Variants in CHRM3 observed in about 807,000 individuals in gnomAD.
CHRM3 encodes cholinergic receptor muscarinic 3.
In CHRM3, 11 loss-of-function variants were observed where a neutral mutation model predicts 41.8. That is an observed-to-expected ratio of 0.26 (90% CI 0.17 to 0.44). The LOEUF is 0.44. Ranked by LOEUF, CHRM3 falls within the 20% of genes least tolerant of loss-of-function variation. The pLI, the probability that CHRM3 is intolerant of heterozygous loss-of-function variation, is 1.00. For synonymous variants in CHRM3, 297 were observed against 301.4 expected, an observed-to-expected ratio of 0.99 and a Z score of 0.15; for missense variants, 571 against 745.4, an observed-to-expected ratio of 0.77 and a Z score of 2.72.
At chr1:239,395,015 CT>C (rs1052455907) in intron 1 of CHRM3, among the ~76,000 whole-genome samples, 4 of 152,158 alleles carry the variant, frequency 2.6e-5, no homozygotes, top group African/African-American at 9.7e-5. Flanking sequence ...CAAAAGTCAC[CT>C]GTAACCTCTT....
At chr1:239,885,719 C>T (rs1006807727) in intron 6 of CHRM3, among the ~76,000 whole-genome samples, 1 of 152,134 alleles carries the variant, frequency 6.6e-6, no homozygotes, top group African/African-American at 2.4e-5. Context: ...ATTAATCCTC[C>T]CTAAATTCAA....
chr1:239,826,249 C>T (rs1364635590), intron 5 of CHRM3, among the ~76,000 whole-genome samples: 1 of 152,158 alleles, frequency 6.6e-6, no homozygotes, highest in Non-Finnish European at 1.5e-5. Context: ...CACATATGCT[C>T]ATCCCCACCA....
intron 4 of CHRM3, among the ~76,000 whole-genome samples, chr1:239,634,373 A>AAATGAAAGAAAG (rs1228999169): frequency 1.1e-5 from 1 of 87,034 alleles, no homozygotes; most frequent in East Asian, 8.1e-4. Context: ...AAGCAAGAAC[A>AAATGAAAGAAAG]AACGAAAGAA....
intron 6 of CHRM3, among the ~76,000 whole-genome samples, chr1:239,905,905 G>A (rs1308602191): frequency 2.6e-5 from 4 of 152,170 alleles, no homozygotes; most frequent in African/African-American, 9.6e-5. Flanking sequence ...AGCATTTACT[G>A]TATCAGCTCC....
rs1199672488 is a variant in CHRM3 at position 239,617,218 on chromosome 1, A to G, written c.-312-15006A>G. On this transcript the variant is annotated intron_variant, in intron 3 of 6. Transcript: ENST00000676153. Reference sequence around the variant, plus strand: ...ATTATAACAGTAATGGTAATATAGTATTTAACCCAGAACTTTCCAAATTTA... The same window carrying G: ...ATTATAACAGTAATGGTAATATAGTGTTTAACCCAGAACTTTCCAAATTTA... Among the ~76,000 whole-genome samples, 3 of 152,190 alleles carry G rather than the reference A, an allele frequency of 2.0e-5. No individual in the cohort carries two copies. The East Asian group carries it at 5.8e-4, about 29-fold the overall frequency.
intron 6 of CHRM3, among the ~76,000 whole-genome samples, chr1:239,856,027 T>G (rs1278964666): frequency 6.6e-6 from 1 of 152,174 alleles, no homozygotes; most frequent in African/African-American, 2.4e-5. Flanking sequence ...AAAATTCTGG[T>G]CTAGTTGTAC....
At chr1:239,621,610 T>C (rs1668369340) in intron 3 of CHRM3, among the ~76,000 whole-genome samples, 1 of 152,194 alleles carries the variant, frequency 6.6e-6, no homozygotes, top group Admixed American at 6.5e-5. Flanking sequence ...GTGTCCTGGC[T>C]AGAAGATCCA....
intron 6 of CHRM3, among the ~76,000 whole-genome samples, chr1:239,893,417 T>A (rs1483734163): frequency 6.6e-6 from 1 of 152,188 alleles, no homozygotes; most frequent in East Asian, 1.9e-4. Flanking sequence ...AGGGCAGAGA[T>A]TAGGAAATAG....
At chr1:239,757,319 G>A (rs34974532) in intron 5 of CHRM3, among the ~76,000 whole-genome samples, 31 of 151,978 alleles carry the variant, frequency 2.0e-4, no homozygotes, top group Admixed American at 1.0e-3. Context: ...TCTCCATTCC[G>A]TATATACAAC....
intron 1 of CHRM3, among the ~76,000 whole-genome samples, chr1:239,473,640 T>C (rs1008979723): frequency 1.3e-5 from 2 of 152,116 alleles, no homozygotes; most frequent in Non-Finnish European, 2.9e-5. Context: ...CAAATGACAC[T>C]GGAAAAGAAG....
intron 5 of CHRM3, among the ~76,000 whole-genome samples, chr1:239,733,319 A>G (rs1664124368): frequency 6.6e-6 from 1 of 152,072 alleles, no homozygotes; most frequent in African/African-American, 2.4e-5. Context: ...CATAGTTGAA[A>G]GAGGGGGAAG....
At chr1:239,888,970 A>T (rs1303960151) in intron 6 of CHRM3, among the ~76,000 whole-genome samples, 1 of 152,054 alleles carries the variant, frequency 6.6e-6, no homozygotes, top group East Asian at 1.9e-4. Flanking sequence ...TGGTAATTAT[A>T]CTCCAGTCCA....
rs938364613 is a variant in CHRM3, at chr1:239,387,378, G to T, written c.-521+151G>T. ...TGTTTGGAGTCCAAAGAAGGGGCTG[G>T]GTAGGGACGAGAGAGGCTGTTGATT... On this transcript the variant is annotated intron_variant, in intron 1 of 6. Coordinates refer to ENST00000676153, the MANE Select transcript of CHRM3 (RefSeq NM_001375978.1). The surrounding 1 kb of genome is among the most constrained non-coding windows in gnomAD (Gnocchi z 5.1). Among the ~76,000 whole-genome samples, 8 of 152,016 alleles carry T rather than the reference G, an allele frequency of 5.3e-5. No homozygotes were observed. The highest frequency in any genetic ancestry group is 1.9e-4 in the African/African-American group (8 of 41,398).
intron 1 of CHRM3, among the ~76,000 whole-genome samples, chr1:239,492,111 C>G (rs1442411874): frequency 6.6e-6 from 1 of 152,194 alleles, no homozygotes; most frequent in Non-Finnish European, 1.5e-5. Context: ...AGCACACACA[C>G]ATAGCTAGTA....
intron 2 of CHRM3, among the ~76,000 whole-genome samples, chr1:239,493,643 G>C (rs1024542158): frequency 2.6e-5 from 4 of 152,212 alleles, no homozygotes; most frequent in African/African-American, 9.6e-5. Context: ...TAATTAGTAG[G>C]CTCTGACTGA....
intron 5 of CHRM3, among the ~76,000 whole-genome samples, chr1:239,772,331 C>T (rs769074760): frequency 7.4e-4 from 112 of 151,916 alleles, no homozygotes; most frequent in Non-Finnish European, 4.1e-4. Context: ...TTTGTATTTT[C>T]GTAGAGATGA....
At chr1:239,466,903 A>G (rs1382404073) in intron 1 of CHRM3, among the ~76,000 whole-genome samples, 1 of 152,214 alleles carries the variant, frequency 6.6e-6, no homozygotes, top group Admixed American at 6.5e-5. Flanking sequence ...TTCCATAGTC[A>G]TCTACATGAT....
At chr1:239,389,293 T>G (rs1245067243) in intron 1 of CHRM3, among the ~76,000 whole-genome samples, 2 of 152,204 alleles carry the variant, frequency 1.3e-5, no homozygotes, top group Non-Finnish European at 2.9e-5. Flanking sequence ...TTTAAGCTTA[T>G]TTAGGAAAGT....
chr1:239,571,568 C>G (rs1038697874), intron 3 of CHRM3, among the ~76,000 whole-genome samples: 5 of 152,284 alleles, frequency 3.3e-5, no homozygotes, highest in Non-Finnish European at 7.4e-5. Flanking sequence ...TGGATCAGGA[C>G]AGAGTCACCA....
Sources: gnomAD v4.1 joint callset for allele counts (sites outside exome capture counted in the v4.1 genomes callset) on GRCh38, gnomAD v4.1.1 for gene constraint, Gnocchi (gnomAD v3.1) non-coding constraint, MANE v1.5 for transcripts, NCBI Gene and HGNC (gene_info 2026-07-23, HGNC 2026-07-21) for gene names.